The following HDAC9 variants were observed in gnomAD, a reference collection of about 807,000 sequenced individuals.
HDAC9 encodes MEF-2 interacting transcription repressor (MITR) protein.
HDAC9 carries 41 observed loss-of-function variants against 139.4 expected under a neutral mutation model. The ratio of observed to expected loss-of-function variants is 0.29; its 90% confidence interval spans 0.23 to 0.38. The LOEUF is 0.38. HDAC9 is among the 10% of genes least tolerant of loss of function. HDAC9 has a pLI of 1.00. For missense variants in HDAC9, 1,147 were observed against 1,297.0 expected, an observed-to-expected ratio of 0.88 and a Z score of 1.78; for synonymous variants, 517 against 476.2, an observed-to-expected ratio of 1.09 and a Z score of -1.12.
chr7:18,991,085 G>A (rs373872072), intron 25 of HDAC9, among the ~76,000 whole-genome samples: 19 of 152,120 alleles, frequency 1.2e-4, no homozygotes, highest in African/African-American at 4.6e-4. Context: ...TTATTCTTTT[G>A]TTGCAAATTC....
At chr7:18,258,951 CTTTTTTTTTTTT>C (rs199607615) in intron 2 of HDAC9, among the ~76,000 whole-genome samples, 27 of 98,370 alleles carry the variant, frequency 2.7e-4, no homozygotes, top group African/African-American at 7.3e-4. Context: ...TCTTCTTCTC[CTTTTTTTTTTTT>C]TTTTTTTTTT....
intron 2 of HDAC9, among the ~76,000 whole-genome samples, chr7:18,255,873 C>T (rs543994810): frequency 2.6e-5 from 4 of 152,072 alleles, no homozygotes; most frequent in South Asian, 2.1e-4. Flanking sequence ...GTGATCTGCC[C>T]GCCTCGGCCT....
chr7:18,857,353 G>A (rs953186066), intron 21 of HDAC9, among the ~76,000 whole-genome samples: 22 of 151,832 alleles, frequency 1.4e-4, no homozygotes, highest in African/African-American at 5.1e-4. Flanking sequence ...GTGTGTGTGT[G>A]TGTGTGTGTG....
At chr7:18,936,064 A>C in intron 23 of HDAC9, 122 bp downstream of exon 23, 1 of 910,888 alleles carries the variant, frequency 1.1e-6, no homozygotes, top group African/African-American at 1.7e-5. Context: ...ACCATTAAGA[A>C]AGAAGGTAAG....
intron 2 of HDAC9, among the ~76,000 whole-genome samples, chr7:18,259,339 G>A (rs1016704986): frequency 2.0e-5 from 3 of 151,908 alleles, no homozygotes; most frequent in Admixed American, 6.6e-5. Context: ...ATAAAAGTAA[G>A]ATTTTATTGA....
intron 13 of HDAC9, among the ~76,000 whole-genome samples, chr7:18,745,585 GCCGGA>G (rs1787874545): frequency 7.4e-6 from 1 of 135,280 alleles, no homozygotes; most frequent in Admixed American, 8.2e-5. Context: ...TGTCGCCCAG[GCCGGA>G]CTGCGGACTG....
chr7:18,972,650 G>T (rs533717646), intron 24 of HDAC9, among the ~76,000 whole-genome samples: 523 of 152,098 alleles, frequency 3.4e-3, no homozygotes, highest in African/African-American at 0.012. Flanking sequence ...CAAAGTGCTG[G>T]GATTACAGGC....
intron 1 of HDAC9, among the ~76,000 whole-genome samples, chr7:18,126,106 A>T (rs1784649840): frequency 6.6e-6 from 1 of 152,122 alleles, no homozygotes; most frequent in South Asian, 2.1e-4. Flanking sequence ...TACAAAGGGG[A>T]TAGAGAATAA....
intron 13 of HDAC9, among the ~76,000 whole-genome samples, chr7:18,731,634 A>T (rs1027668152): frequency 3.3e-5 from 5 of 151,928 alleles, no homozygotes; most frequent in African/African-American, 7.3e-5. Flanking sequence ...TTTAAAGATA[A>T]TTTTTTTTGA....
In HDAC9 at chr7:18,647,792, A is replaced by C. The variant is rs1584560659; in HGVS notation, c.1043A>C (p.Asn348Thr). 2 of 1,607,488 alleles carry C rather than the reference A, an allele frequency of 1.2e-6. No individual in the cohort carries two copies. The highest frequency in any genetic ancestry group is 1.7e-6 in the Non-Finnish European group (2 of 1,176,698). ...TGTTATTTCTCAACACAGGCTTCGAATTCACTCAAAGAAAAGCAGAAGTGT... is the reference window on the plus strand; with the variant it reads ...TGTTATTTCTCAACACAGGCTTCGACTTCACTCAAAGAAAAGCAGAAGTGT... ...PAVPSQLNAS[N>T]SLKEKQKCET... The change falls in exon 10 of 26, where the codon AAT (asparagine) becomes ACT (threonine). Residue 348 changes from asparagine (N) to threonine (T), a missense_variant. By Grantham distance (65) the Asn-to-Thr change is moderately conservative (BLOSUM62 0). Transcript: ENST00000686413.
At chr7:18,467,711 T>C (rs1794397979) in intron 1 of HDAC9, among the ~76,000 whole-genome samples, 1 of 152,332 alleles carries the variant, frequency 6.6e-6, no homozygotes, top group East Asian at 1.9e-4. Flanking sequence ...CATATCACTA[T>C]ATTACGTTTA....
At chr7:18,620,243 G>A (rs1746115937) in intron 6 of HDAC9, among the ~76,000 whole-genome samples, 1 of 147,420 alleles carries the variant, frequency 6.8e-6, no homozygotes, top group South Asian at 2.1e-4. Flanking sequence ...TTCAATAGCT[G>A]TTAATCGAAT....
intron 12 of HDAC9, among the ~76,000 whole-genome samples, chr7:18,706,680 G>T (rs898534907): frequency 1.3e-5 from 2 of 152,154 alleles, no homozygotes; most frequent in African/African-American, 4.8e-5. Context: ...CACAGTTGGG[G>T]TGGGTTGCTA....
intron 22 of HDAC9, among the ~76,000 whole-genome samples, chr7:18,900,088 T>C (rs1174924797): frequency 6.6e-6 from 1 of 152,052 alleles, no homozygotes; most frequent in African/African-American, 2.4e-5. Context: ...AGCATAACAT[T>C]CCAGAGGTTT....
intron 22 of HDAC9, among the ~76,000 whole-genome samples, chr7:18,897,316 C>T (rs1442188632): frequency 6.6e-6 from 1 of 151,852 alleles, no homozygotes; most frequent in African/African-American, 2.4e-5. Flanking sequence ...TTCAAATGAT[C>T]GCTTATTGAA....
At chr7:18,457,637 A>G (rs1793460803) in intron 1 of HDAC9, among the ~76,000 whole-genome samples, 1 of 152,194 alleles carries the variant, frequency 6.6e-6, no homozygotes, top group African/African-American at 2.4e-5. Context: ...TATAAACTGT[A>G]GGTTATAAAC....
At chr7:18,523,341 G>C (rs1355130912) in intron 2 of HDAC9, among the ~76,000 whole-genome samples, 1 of 152,174 alleles carries the variant, frequency 6.6e-6, no homozygotes, top group Admixed American at 6.5e-5. Context: ...CTATTAACTA[G>C]AAGTGCCCAG....
intron 11 of HDAC9, among the ~76,000 whole-genome samples, chr7:18,651,590 G>A (rs1789277089): frequency 6.6e-6 from 1 of 152,194 alleles, no homozygotes; most frequent in African/African-American, 2.4e-5. Context: ...AGTTTTAGGG[G>A]CATGGGTGAT....
intron 2 of HDAC9, among the ~76,000 whole-genome samples, chr7:18,199,506 G>A (rs893863042): frequency 2.0e-5 from 3 of 152,042 alleles, no homozygotes; most frequent in Non-Finnish European, 4.4e-5. Context: ...TTAAAATAGG[G>A]TGGGTGTAGT....
Sources: allele counts gnomAD v4.1 joint callset (sites outside exome capture counted in the v4.1 genomes callset), GRCh38; gene constraint gnomAD v4.1.1; transcripts MANE v1.5; gene names NCBI Gene and HGNC (gene_info 2026-07-23, HGNC 2026-07-21).